RAD51B: variants seen among roughly 807,000 people sequenced by gnomAD.
RAD51B encodes RAD51 paralog B, also known as DNA repair protein RAD51 homolog 2.
Under a neutral mutation model 42.2 loss-of-function variants are expected in RAD51B, and 38 were observed. The ratio of observed to expected loss-of-function variants is 0.90; its 90% CI spans 0.70 to 1.18. RAD51B has a LOEUF of 1.18. RAD51B is among the 50% of genes most tolerant of loss of function. The pLI is 0.00. For synonymous variants in RAD51B, 154 were observed against 145.2 expected (o/e 1.06, Z -0.43); for missense variants, 373 against 400.7 (o/e 0.93, Z 0.59).
chr14:68,208,828 T>C (rs2079646521), intron 7 of RAD51B, among the ~76,000 whole-genome samples: 1 of 152,224 alleles, frequency 6.6e-6, no homozygotes, highest in South Asian at 2.1e-4. Flanking sequence ...TATACCCTAG[T>C]GGATATTACA....
chr14:68,286,509 T>C (rs1164382408), intron 7 of RAD51B, among the ~76,000 whole-genome samples: 1 of 152,114 alleles, frequency 6.6e-6, no homozygotes, highest in Non-Finnish European at 1.5e-5. Flanking sequence ...TCAGGTAAAA[T>C]GAGCTGTTTC....
At chr14:68,501,624 G>A (rs886225044) in intron 10 of RAD51B, among the ~76,000 whole-genome samples, 1 of 152,254 alleles carries the variant, frequency 6.6e-6, no homozygotes, top group African/African-American at 2.4e-5. Flanking sequence ...AGCTGAGGTA[G>A]CTGATGTTAA....
chr14:68,173,369 C>T (rs2078908357), intron 7 of RAD51B, among the ~76,000 whole-genome samples: 1 of 152,180 alleles, frequency 6.6e-6, no homozygotes, highest in African/African-American at 2.4e-5. Context: ...TCTTTCTATA[C>T]TGCCTGTGGG....
chr14:68,004,350 A>T (rs2075543497), intron 7 of RAD51B, among the ~76,000 whole-genome samples: 1 of 151,124 alleles, frequency 6.6e-6, no homozygotes, highest in Admixed American at 6.6e-5. Flanking sequence ...AAAAAAAAAA[A>T]AAAAAGAATA....
At chr14:67,972,430 G>C (rs1033589939) in intron 7 of RAD51B, among the ~76,000 whole-genome samples, 6 of 152,046 alleles carry the variant, frequency 3.9e-5, no homozygotes, top group African/African-American at 1.4e-4. Flanking sequence ...GGCTTATGGT[G>C]TGTCCTGGAG....
chr14:68,511,783 A>C (rs985601960), intron 10 of RAD51B, among the ~76,000 whole-genome samples: 1 of 147,580 alleles, frequency 6.8e-6, no homozygotes, highest in African/African-American at 2.4e-5. Flanking sequence ...CTCAGGGCAT[A>C]TCCAAAGTGA....
intron 8 of RAD51B, among the ~76,000 whole-genome samples, chr14:68,400,802 AGG>A (rs2084080139): frequency 6.6e-6 from 1 of 152,220 alleles, no homozygotes; most frequent in African/African-American, 2.4e-5. Context: ...TATTTACTTA[AGG>A]GTAATATGTG....
chr14:68,540,576 G>A lies in RAD51B; in HGVS notation c.1037-53909G>A, dbSNP rs142958813. 3.6e-4 allele frequency: 358 copies of A among 985,318 alleles called. 2 individuals carry two copies. The African/African-American group carries it at 5.4e-3, about 15-fold the overall frequency. The allele number at this position is 985,318 out of a possible 1,614,324, so 61.0% of individuals were successfully genotyped here. On this transcript the variant is annotated intron_variant, in intron 10 of 10. Coordinates refer to the RAD51B transcript ENST00000487270. The stretch of plus-strand genomic sequence containing the variant: ...AAGTATTTGCAAAACTGGGCTTAGC[G>A]TGGTTCTAGGTGCTGTGCAAGTATA...
intron 7 of RAD51B, among the ~76,000 whole-genome samples, chr14:68,115,446 G>A (rs1401186943): frequency 1.9e-4 from 23 of 121,998 alleles, no homozygotes; most frequent in African/African-American, 7.4e-4. Context: ...CCTAATGCTA[G>A]ATGACGAGTT....
At position 68,425,067 on chromosome 14, in the gene RAD51B, A is replaced by T. The variant is rs554356412; in HGVS notation, c.957+13540A>T. 9.2e-5 allele frequency among the ~76,000 whole-genome samples: 14 copies of T among 152,298 alleles called. No homozygotes were observed. The South Asian group carries it at 2.9e-3, about 32-fold the overall frequency. ...TGAGATTACAGGCATGAGCCACAGC[A>T]CCTGGCCTATACCTATAATCTCAGT... On this transcript the variant is annotated intron_variant, in intron 9 of 10. Coordinates refer to ENST00000471583, the MANE Select transcript of RAD51B (RefSeq NM_133510.4).
intron 7 of RAD51B, among the ~76,000 whole-genome samples, chr14:68,227,354 A>T (rs772307697): frequency 1.3e-5 from 2 of 152,188 alleles, no homozygotes; most frequent in African/African-American, 2.4e-5. Flanking sequence ...AAGGCCAGTT[A>T]TTCAGTTTGA....
At chr14:67,862,645 C>T (rs898985769) in intron 4 of RAD51B, among the ~76,000 whole-genome samples, 1 of 152,078 alleles carries the variant, frequency 6.6e-6, no homozygotes, top group African/African-American at 2.4e-5. Flanking sequence ...GTAATTATCC[C>T]CTTCTCAGCT....
In RAD51B at chr14:67,944,468, A is replaced by C. The variant is rs184926417; in HGVS notation, c.756+57264A>C. 1.6e-4 allele frequency among the ~76,000 whole-genome samples: 24 copies of C among 152,128 alleles called. No individual in the cohort carries two copies. The East Asian group carries it at 4.4e-3, about 28-fold the overall frequency. The stretch of plus-strand genomic sequence containing the variant: ...GTTGTTTCATAAAAACGTGGTTGTA[A>C]AGTTAATTTGAACCATATCAATATG... On this transcript the variant is annotated intron_variant, in intron 7 of 10. Coordinates refer to ENST00000471583, the MANE Select transcript of RAD51B (RefSeq NM_133510.4).
chr14:68,387,670 G>A (rs2083627071), intron 8 of RAD51B, among the ~76,000 whole-genome samples: 1 of 152,146 alleles, frequency 6.6e-6, no homozygotes, highest in Non-Finnish European at 1.5e-5. Context: ...TAAGGACTGG[G>A]ATGCAGCTGA....
At chr14:68,675,194 T>C (rs1893278732) in intron 11 of RAD51B, among the ~76,000 whole-genome samples, 1 of 152,110 alleles carries the variant, frequency 6.6e-6, no homozygotes, top group South Asian at 2.1e-4. Flanking sequence ...CTTGGGATGA[T>C]TATCTCAGGG....
In RAD51B at chr14:68,092,180, A is replaced by C. The variant is rs972154260; in HGVS notation, c.757-199704A>C. On this transcript the variant is annotated intron_variant, in intron 7 of 10. Coordinates refer to ENST00000471583, the MANE Select transcript of RAD51B (RefSeq NM_133510.4). The stretch of plus-strand genomic sequence containing the variant: ...TGGCTTAGGATTGACTTGGCAATGC[A>C]GGCTCTTTTTTGGTTCCACATGAAC... Among the ~76,000 whole-genome samples, 8 of 152,272 alleles carry C rather than the reference A, an allele frequency of 5.3e-5. No individual in the cohort carries two copies. The East Asian group carries it at 1.5e-3, about 29-fold the overall frequency.
intron 8 of RAD51B, among the ~76,000 whole-genome samples, chr14:68,386,106 G>A (rs1159093379): frequency 6.6e-6 from 1 of 152,124 alleles, no homozygotes; most frequent in Non-Finnish European, 1.5e-5. Context: ...AACATTTAGG[G>A]CAGTATCCTT....
At chr14:68,601,241 TG>T (rs772554963) in intron 10 of RAD51B, among the ~76,000 whole-genome samples, 6 of 151,376 alleles carry the variant, frequency 4.0e-5, no homozygotes, top group South Asian at 2.1e-4. Flanking sequence ...TTTTTTTTGG[TG>T]GGGGGGTGGG....
At position 67,952,545 on chromosome 14, in the gene RAD51B, G is replaced by C. The variant is rs17104798; in HGVS notation, c.756+65341G>C. Among the ~76,000 whole-genome samples, 574 of 151,990 alleles carry C rather than the reference G, an allele frequency of 3.8e-3. 8 individuals are homozygous for C. The highest frequency in any genetic ancestry group is 0.013 in the African/African-American group (553 of 41,468). On this transcript the variant is annotated intron_variant, in intron 7 of 10. Coordinates refer to ENST00000471583, the MANE Select transcript of RAD51B (RefSeq NM_133510.4). ...ATTCCTAAATGACATCTTGAAGTTT[G>C]GCCTGTCCAAAAACATCTTTTGAGG... is the stretch of plus-strand genomic sequence containing the variant.
Sources: allele counts gnomAD v4.1 joint callset (sites outside exome capture counted in the v4.1 genomes callset), GRCh38; gene constraint gnomAD v4.1.1; transcripts MANE v1.5; gene names NCBI Gene and HGNC (gene_info 2026-07-23, HGNC 2026-07-21).